Variants in ATP2B3 observed in about 807,000 individuals in gnomAD.
The protein encoded by ATP2B3 is plasma membrane calcium-transporting ATPase 3.
A neutral mutation model predicts 70.8 loss-of-function variants in ATP2B3; 12 were observed. The ratio of observed to expected loss-of-function variants is 0.17; its 90% CI spans 0.11 to 0.27. The LOEUF is 0.27. ATP2B3 is among the 10% of genes least tolerant of loss of function. The pLI, the probability that ATP2B3 is intolerant of heterozygous loss-of-function variation, is 1.00. For synonymous variants in ATP2B3, 460 were observed against 497.8 expected, an observed-to-expected ratio of 0.92 and a Z score of 1.01; for missense variants, 858 against 1,118.5, an observed-to-expected ratio of 0.77 and a Z score of 3.32.
intron 21 of ATP2B3, among the ~76,000 whole-genome samples, chrX:153,571,693 G>C (rs1315275859): frequency 8.9e-6 from 1 of 112,496 alleles, no homozygotes; most frequent in Non-Finnish European, 1.9e-5. Flanking sequence ...GCAGTGCGGG[G>C]TAAGTAGAGT....
chrX:153,541,525 G>A lies in ATP2B3; in HGVS notation c.375G>A (p.Ser125=), dbSNP rs782519595. 1.5e-5 allele frequency: 18 copies of A among 1,211,538 alleles called. No homozygotes were observed. Among genetic ancestry groups the A allele is most frequent in the South Asian group, 3.5e-5 (2 of 56,948 alleles). The part of the protein sequence containing the change: ...EVAAIVSLGL[S]FYAPPGEESE... ...CTGCCATCGTCTCTCTGGGCCTCTC[G>A]TTCTATGCGCCGCCAGGAGAGGAGA... The change falls in exon 4 of 22, where the codon TCG becomes TCA. Residue 125 remains serine (S), a synonymous_variant. Transcript: ENST00000263519.
intron 18 of ATP2B3, among the ~76,000 whole-genome samples, chrX:153,560,386 G>T (rs1557015712): frequency 3.6e-5 from 4 of 111,750 alleles, no homozygotes; most frequent in Non-Finnish European, 7.5e-5. Context: ...GCAAGAGAGA[G>T]GAAGAGGAGG....
intron 3 of ATP2B3, among the ~76,000 whole-genome samples, chrX:153,538,533 TG>T (rs1264185177): frequency 8.8e-6 from 1 of 113,024 alleles, no homozygotes; most frequent in Non-Finnish European, 1.9e-5. Context: ...CCCGGGAACC[TG>T]GCCCCGCCCA....
chrX:153,523,727 G>A (rs1351049029), intron 2 of ATP2B3, among the ~76,000 whole-genome samples: 2 of 73,597 alleles, frequency 2.7e-5, no homozygotes, highest in African/African-American at 1.1e-4. Flanking sequence ...AGACAGTCTC[G>A]CTCTGTCACC....
At chrX:153,558,056 G>T in intron 16 of ATP2B3, 56 bp from the exon 17 acceptor site, 1 of 1,127,828 alleles carries the variant, frequency 8.9e-7, no homozygotes, top group Non-Finnish European at 1.2e-6. Flanking sequence ...ATCAAGGGGG[G>T]CTGGGGAAGG....
intron 13 of ATP2B3, 59 bp downstream of exon 13, chrX:153,553,328 C>G: frequency 9.4e-7 from 1 of 1,059,357 alleles, no homozygotes; most frequent in Non-Finnish European, 1.3e-6. Context: ...CCGAGCTTGT[C>G]CGGACTGGTA....
At chrX:153,520,092 C>T (rs1231630704) in intron 2 of ATP2B3, among the ~76,000 whole-genome samples, 1 of 110,340 alleles carries the variant, frequency 9.1e-6, no homozygotes, top group Non-Finnish European at 1.9e-5. Flanking sequence ...TGGGGGTGGG[C>T]CTGGGGGAGC....
intron 21 of ATP2B3, among the ~76,000 whole-genome samples, chrX:153,571,003 T>TATACACAC (rs2090778967): frequency 1.1e-5 from 1 of 87,635 alleles, no homozygotes; most frequent in Non-Finnish European, 2.2e-5. Flanking sequence ...CGTGCGCGCG[T>TATACACAC]ACACACACAC....
At chrX:153,555,515 GTC>G (rs1193450669) in intron 13 of ATP2B3, among the ~76,000 whole-genome samples, 1 of 110,975 alleles carries the variant, frequency 9.0e-6, no homozygotes, top group African/African-American at 3.3e-5. Flanking sequence ...GCCTGACCCT[GTC>G]TCTCTGTCCC....
Position 153,545,336 on chromosome X carries a change from G to A in ATP2B3, c.917-752G>A, listed in dbSNP as rs781785243. Among the ~76,000 whole-genome samples the A allele has an allele frequency of 1.8e-4, 20 of 112,993 alleles. No individual in the cohort carries two copies. In the East Asian group the frequency reaches 5.0e-3, roughly 28 times the overall value. ...CTGGGTTGACCAATGACCTGAAAGCGCCCCGCAGAGTCCTAGCGTCTCATT... is the reference window on the plus strand; with the variant it reads ...CTGGGTTGACCAATGACCTGAAAGCACCCCGCAGAGTCCTAGCGTCTCATT... On this transcript the variant is annotated intron_variant, in intron 7 of 21. Coordinates refer to ENST00000263519, the MANE Select transcript of ATP2B3 (RefSeq NM_001001344.3).
chrX:153,533,328 C>A (rs1557002623), intron 2 of ATP2B3: 1 of 111,907 alleles, frequency 8.9e-6, no homozygotes, highest in Admixed American at 9.5e-5. Context: ...GGCAGAGACT[C>A]CTGGAGAATG....
In ATP2B3 at chrX:153,534,450, CT is replaced by C. The variant is rs782377907; in HGVS notation, c.-126-1668del. Among the ~76,000 whole-genome samples, 302 of 93,315 alleles carry C rather than the reference CT, an allele frequency of 3.2e-3. 3 individuals carry two copies. The highest frequency in any genetic ancestry group is 0.017 in the African/African-American group (295 of 17,693). 81.0% of individuals were successfully genotyped at this position (93,315 alleles called of 115,157 possible). ...CTCCTCAGCTTTCACTCCTTCTAGT[CT>C]TTTCCCCCCAATGCCTGTCCCCAGA... On this transcript the variant is annotated intron_variant, in intron 2 of 21. Transcript: ENST00000263519.
At chrX:153,520,922 G>A (rs903035493) in intron 2 of ATP2B3, among the ~76,000 whole-genome samples, 7 of 112,585 alleles carry the variant, frequency 6.2e-5, no homozygotes, top group Non-Finnish European at 1.9e-5. Context: ...CCTCTGCCCC[G>A]TCTACCCACT....
In ATP2B3 at chrX:153,568,571, A is replaced by G. The variant is rs782671799; in HGVS notation, c.3342+3468A>G. On this transcript the variant is annotated intron_variant, in intron 21 of 21. Coordinates refer to ENST00000263519, the MANE Select transcript of ATP2B3 (RefSeq NM_001001344.3). ...CTGACACACTCAGTATGCATTCCTC[A>G]CGGTCGCAGCAAGTGCCATGAGGTT... Among the ~76,000 whole-genome samples the G allele has an allele frequency of 2.7e-5, 3 of 111,682 alleles. No homozygotes were observed. In the Admixed American group the frequency reaches 2.8e-4, roughly 11 times the overall value.
intron 9 of ATP2B3, 85 bp downstream of exon 9, chrX:153,548,084 A>G: frequency 9.1e-7 from 1 of 1,102,295 alleles, no homozygotes; most frequent in South Asian, 2.4e-5. Flanking sequence ...CAGGCTGTGT[A>G]GAGCAGGTGG....
At chrX:153,544,013 T>A (rs1210778243) in intron 7 of ATP2B3, among the ~76,000 whole-genome samples, 1 of 113,104 alleles carries the variant, frequency 8.8e-6, no homozygotes, top group Non-Finnish European at 1.9e-5. Context: ...CAAAGCTCCC[T>A]GGAGGCAGCA....
At chrX:153,553,500 C>T (rs1201799828) in intron 13 of ATP2B3, among the ~76,000 whole-genome samples, 2 of 112,192 alleles carry the variant, frequency 1.8e-5, no homozygotes, top group East Asian at 5.6e-4. Flanking sequence ...CCACCTTCTA[C>T]CAGGTGAGAA....
intron 21 of ATP2B3, among the ~76,000 whole-genome samples, chrX:153,577,284 T>A (rs113603976): frequency 0.027 from 2,994 of 112,657 alleles, 108 homozygotes; most frequent in African/African-American, 0.092. Flanking sequence ...GGCCTGGCTG[T>A]CCTTTATGGA....
At chrX:153,520,305 C>A (rs2089941121) in intron 2 of ATP2B3, among the ~76,000 whole-genome samples, 1 of 112,676 alleles carries the variant, frequency 8.9e-6, no homozygotes, top group Non-Finnish European at 1.9e-5. Flanking sequence ...CGCCCCAGAG[C>A]CCCAGGGGCT....
Sources: allele counts gnomAD v4.1 joint callset (sites outside exome capture counted in the v4.1 genomes callset), GRCh38; gene constraint gnomAD v4.1.1; transcripts MANE v1.5; gene names NCBI Gene and HGNC (gene_info 2026-07-23, HGNC 2026-07-21).